Variants in RABGAP1 observed in about 807,000 individuals in gnomAD.
RABGAP1 encodes the protein RAB GTPase activating protein 1.
A neutral mutation model predicts 137.6 loss-of-function variants in RABGAP1; 23 were observed. The observed-to-expected ratio is 0.17, with a 90% CI of 0.12 to 0.24. The LOEUF is 0.24. RABGAP1 is among the 10% of genes least tolerant of loss of function. The pLI, the probability that RABGAP1 is intolerant of heterozygous loss-of-function variation, is 1.00. For missense variants in RABGAP1, 906 were observed against 1,275.8 expected (o/e 0.71, Z 4.42); for synonymous variants, 451 against 450.7 (o/e 1.00, Z -0.01).
chr9:122,942,252 A>T (rs1005569257), intron 1 of RABGAP1, among the ~76,000 whole-genome samples: 1 of 152,186 alleles, frequency 6.6e-6, no homozygotes, highest in East Asian at 1.9e-4. Flanking sequence ...AGTAGTTGGG[A>T]AAAAAAGCTT....
intron 13 of RABGAP1, among the ~76,000 whole-genome samples, chr9:123,064,234 C>T (rs936266651): frequency 4.6e-5 from 7 of 152,188 alleles, no homozygotes; most frequent in African/African-American, 1.4e-4. Context: ...TGTTGAAGAG[C>T]ACCACAGTCC....
chr9:122,961,479 A>T (rs1458324895), intron 2 of RABGAP1, among the ~76,000 whole-genome samples: 2 of 152,102 alleles, frequency 1.3e-5, no homozygotes, highest in Non-Finnish European at 2.9e-5. Context: ...TGAGGTAAAA[A>T]CTCAGAGAAT....
chr9:123,044,291 C>T (rs1006616780), intron 13 of RABGAP1, among the ~76,000 whole-genome samples: 1 of 151,994 alleles, frequency 6.6e-6, no homozygotes, highest in Non-Finnish European at 1.5e-5. Context: ...GGAAGGAGGC[C>T]CAGGTATAGA....
At chr9:123,062,748 A>G (rs1247172361) in intron 13 of RABGAP1, 3 of 152,002 alleles carry the variant, frequency 2.0e-5, no homozygotes, top group Non-Finnish European at 2.9e-5. Flanking sequence ...GTTATTTTTT[A>G]CGTCCTGTGT....
At chr9:122,964,140 A>G (rs1225344515) in intron 2 of RABGAP1, among the ~76,000 whole-genome samples, 1 of 152,240 alleles carries the variant, frequency 6.6e-6, no homozygotes, top group African/African-American at 2.4e-5. Flanking sequence ...CCAGATACTT[A>G]AATAAGAATT....
intron 11 of RABGAP1, among the ~76,000 whole-genome samples, chr9:123,013,010 GCAT>G (rs1462490534): frequency 6.6e-6 from 1 of 152,154 alleles, no homozygotes; most frequent in African/African-American, 2.4e-5. Flanking sequence ...ATGTTTAGAA[GCAT>G]CATTCTGAAA....
At chr9:123,026,246 C>T (rs994780366) in intron 13 of RABGAP1, among the ~76,000 whole-genome samples, 48 of 152,082 alleles carry the variant, frequency 3.2e-4, no homozygotes, top group African/African-American at 1.1e-3. Context: ...ATCGCTTGAA[C>T]CCCGGAGGCA....
At chr9:122,967,436 G>T (rs1323933600) in intron 2 of RABGAP1, among the ~76,000 whole-genome samples, 3 of 152,198 alleles carry the variant, frequency 2.0e-5, no homozygotes, top group Non-Finnish European at 2.9e-5. Context: ...AGTAAAAAGG[G>T]TATGTTACTA....
chr9:123,037,811 T>C (rs867720342), intron 13 of RABGAP1, among the ~76,000 whole-genome samples: 3 of 152,150 alleles, frequency 2.0e-5, no homozygotes, highest in Non-Finnish European at 4.4e-5. Flanking sequence ...CTGTGTGATA[T>C]ATTTGGAAAG....
At position 123,082,750 on chromosome 9, in the gene RABGAP1, T is replaced by A. The variant is rs145942235; in HGVS notation, c.2424+5988T>A. Among the ~76,000 whole-genome samples, 660 of 152,362 alleles carry A rather than the reference T, an allele frequency of 4.3e-3. 6 individuals carry two copies. Among genetic ancestry groups the A allele is most frequent in the African/African-American group, 0.015 (622 of 41,586 alleles). ...GTGATGTGCCAGACTTCAAACTACT[T>A]GTAAGAAAAGATACTAGTACAAAAA... On this transcript the variant is annotated intron_variant, in intron 19 of 25. Coordinates refer to ENST00000373647, the MANE Select transcript of RABGAP1 (RefSeq NM_012197.4).
rs992508064 is a variant in RABGAP1 at position 122,956,447 on chromosome 9, A to G, written c.-49-564A>G. Among the ~76,000 whole-genome samples, 11 of 152,168 alleles carry G rather than the reference A, an allele frequency of 7.2e-5. 1 individual carries two copies. Among genetic ancestry groups the G allele is most frequent in the Admixed American group, 7.2e-4 (11 of 15,272 alleles). On this transcript the variant is annotated intron_variant, in intron 1 of 25. Coordinates refer to ENST00000373647, the MANE Select transcript of RABGAP1 (RefSeq NM_012197.4). ...CGGCGGATCACGAGGTCAGGAGATC[A>G]AGACCATCCTGGCTAACACGGTGAA...
At chr9:123,028,846 G>A (rs1433130889) in intron 13 of RABGAP1, among the ~76,000 whole-genome samples, 2 of 152,136 alleles carry the variant, frequency 1.3e-5, no homozygotes, top group African/African-American at 4.8e-5. Context: ...ATACGCTTTG[G>A]TTTCCTTATC....
intron 13 of RABGAP1, among the ~76,000 whole-genome samples, chr9:123,026,844 T>C (rs2031998579): frequency 6.6e-6 from 1 of 152,248 alleles, no homozygotes; most frequent in Non-Finnish European, 1.5e-5. Flanking sequence ...TAGCTTCTTA[T>C]AATTCAGTGC....
At chr9:122,948,985 A>G (rs1834082412) in intron 1 of RABGAP1, among the ~76,000 whole-genome samples, 1 of 151,854 alleles carries the variant, frequency 6.6e-6, no homozygotes, top group Non-Finnish European at 1.5e-5. Context: ...AGTTTGGGGG[A>G]CTCTTTGTGC....
At chr9:123,065,954 C>A (rs1262280751) in intron 14 of RABGAP1, among the ~76,000 whole-genome samples, 8 of 152,186 alleles carry the variant, frequency 5.3e-5, no homozygotes, top group Non-Finnish European at 1.2e-4. Flanking sequence ...ATAGCCTGTT[C>A]AATTTCCGTA....
chr9:122,997,447 C>T (rs529129054), intron 9 of RABGAP1, 86 bp downstream of exon 9: 1 of 820,344 alleles, frequency 1.2e-6, no homozygotes, highest in East Asian at 3.0e-5. Context: ...GACCAATATC[C>T]AGTGTTTACC....
chr9:123,008,967 T>C (rs895610308), intron 10 of RABGAP1, among the ~76,000 whole-genome samples: 2 of 152,296 alleles, frequency 1.3e-5, no homozygotes, highest in African/African-American at 2.4e-5. Flanking sequence ...AACTTCAGAG[T>C]CTGAGTCCTT....
chr9:123,031,414 T>A (rs2131978417), intron 13 of RABGAP1, among the ~76,000 whole-genome samples: 1 of 152,254 alleles, frequency 6.6e-6, no homozygotes, highest in East Asian at 1.9e-4. Context: ...GTAAAACAGT[T>A]GAGATCAGAC....
chr9:122,943,155 A>C (rs976583291), intron 1 of RABGAP1, among the ~76,000 whole-genome samples: 1 of 139,800 alleles, frequency 7.2e-6, no homozygotes, highest in East Asian at 2.2e-4. Context: ...GCTCACTGCA[A>C]CCTCCGCCTC....
Sources: allele counts gnomAD v4.1 joint callset (sites outside exome capture counted in the v4.1 genomes callset), GRCh38; gene constraint gnomAD v4.1.1; transcripts MANE v1.5; gene names NCBI Gene and HGNC (gene_info 2026-07-23, HGNC 2026-07-21).